Variants in TPRG1 observed in about 807,000 individuals in gnomAD.
TPRG1 encodes the protein tumor protein p63-regulated gene 1 protein.
TPRG1 carries 29 observed loss-of-function variants against 29.3 expected under a neutral mutation model. The observed-to-expected ratio is 0.99, with a 90% CI of 0.74 to 1.35. The LOEUF (loss-of-function observed/expected upper bound fraction) is 1.35. Ranked by LOEUF, TPRG1 falls within the 40% of genes most tolerant of loss-of-function variation. The pLI is 0.00. For synonymous variants in TPRG1, 130 were observed against 116.8 expected (o/e 1.11, Z -0.73); for missense variants, 327 against 335.0 (o/e 0.98, Z 0.19).
chr3:189,050,818 T>G (rs183992289), intron 4 of TPRG1, among the ~76,000 whole-genome samples: 1 of 152,198 alleles, frequency 6.6e-6, no homozygotes, highest in Non-Finnish European at 1.5e-5. Context: ...ATAAGCAGAA[T>G]TGAAAACAAA....
chr3:189,046,421 G>A (rs1280595791), intron 4 of TPRG1, among the ~76,000 whole-genome samples: 1 of 152,156 alleles, frequency 6.6e-6, no homozygotes, highest in Non-Finnish European at 1.5e-5. Flanking sequence ...AAATATGTGG[G>A]ACAGAGCTAA....
intron 4 of TPRG1, among the ~76,000 whole-genome samples, chr3:189,270,049 CTTCTTCTTCTTT>C (rs1430445749): frequency 3.0e-5 from 4 of 133,944 alleles, no homozygotes; most frequent in African/African-American, 1.3e-4. Flanking sequence ...TCTTCTTCTT[CTTCTTCTTCTTT>C]TTTGTCTGTA....
chr3:189,215,483 G>T (rs1735931567), intron 3 of TPRG1, 100 bp downstream of exon 3: 1 of 983,940 alleles, frequency 1.0e-6, no homozygotes, highest in Non-Finnish European at 1.5e-6. Context: ...AATTTCTCTG[G>T]TTGCTACATA....
At chr3:189,283,910 G>A (rs531344354) in intron 4 of TPRG1, among the ~76,000 whole-genome samples, 14 of 152,268 alleles carry the variant, frequency 9.2e-5, no homozygotes, top group East Asian at 7.7e-4. Context: ...GGATACAGGC[G>A]TTAGTACTTT....
chr3:189,053,955 A>T (rs1383008142), intron 4 of TPRG1, among the ~76,000 whole-genome samples: 4 of 152,216 alleles, frequency 2.6e-5, no homozygotes, highest in Non-Finnish European at 5.9e-5. Context: ...ACATTTGTGT[A>T]TTCATTGAAG....
intron 3 of TPRG1, among the ~76,000 whole-genome samples, chr3:189,137,736 C>T (rs1462656817): frequency 6.6e-6 from 1 of 152,148 alleles, no homozygotes; most frequent in Non-Finnish European, 1.5e-5. Context: ...ACACTTTATG[C>T]CTGCTTCTCT....
intron 1 of TPRG1, among the ~76,000 whole-genome samples, chr3:189,119,497 A>G (rs1025891659): frequency 6.6e-6 from 1 of 152,200 alleles, no homozygotes; most frequent in Non-Finnish European, 1.5e-5. Flanking sequence ...GGCCAAGGGC[A>G]AATTGATATG....
intron 5 of TPRG1, among the ~76,000 whole-genome samples, chr3:189,161,286 A>G (rs1727446178): frequency 6.6e-6 from 1 of 152,222 alleles, no homozygotes; most frequent in African/African-American, 2.4e-5. Flanking sequence ...GAAGCAGTAC[A>G]TCATGGAAAG....
intron 3 of TPRG1, chr3:189,004,803 C>T (rs1175067750): frequency 6.6e-6 from 1 of 152,098 alleles, no homozygotes; most frequent in Non-Finnish European, 1.5e-5. Flanking sequence ...GGGGATTTAA[C>T]CTCAGAAGCT....
intron 5 of TPRG1, among the ~76,000 whole-genome samples, chr3:189,318,449 G>T (rs1245050409): frequency 1.3e-5 from 2 of 152,160 alleles, no homozygotes; most frequent in East Asian, 3.8e-4. Context: ...GGTTTTGAGA[G>T]ATGTGTTGGA....
chr3:189,057,290 A>G (rs1451897514), intron 4 of TPRG1, among the ~76,000 whole-genome samples: 1 of 152,192 alleles, frequency 6.6e-6, no homozygotes, highest in African/African-American at 2.4e-5. Context: ...GCATTGGTAC[A>G]CTATTTCTTC....
At chr3:189,114,113 G>C (rs1240712745) in intron 1 of TPRG1, among the ~76,000 whole-genome samples, 2 of 152,058 alleles carry the variant, frequency 1.3e-5, no homozygotes, top group African/African-American at 4.8e-5. Flanking sequence ...TTACATGAGG[G>C]AGCTTCTATG....
At chr3:189,073,390 T>C (rs1716920352) in intron 4 of TPRG1, among the ~76,000 whole-genome samples, 2 of 152,252 alleles carry the variant, frequency 1.3e-5, no homozygotes, top group Non-Finnish European at 2.9e-5. Flanking sequence ...CATGACACTA[T>C]AAACACAAAT....
intron 1 of TPRG1, among the ~76,000 whole-genome samples, chr3:189,106,397 C>G (rs1451324149): frequency 6.6e-6 from 1 of 152,086 alleles, no homozygotes; most frequent in Middle Eastern, 3.2e-3. Context: ...ATCTTGTTGC[C>G]CCCGACCCCA....
At chr3:189,255,297 C>G (rs1201930075) in intron 4 of TPRG1, among the ~76,000 whole-genome samples, 1 of 152,010 alleles carries the variant, frequency 6.6e-6, no homozygotes, top group Non-Finnish European at 1.5e-5. Context: ...GTTTTTGTCA[C>G]TGGTTGTGCT....
chr3:189,137,962 G>A (rs1291852490), intron 3 of TPRG1, among the ~76,000 whole-genome samples: 2 of 152,056 alleles, frequency 1.3e-5, no homozygotes, highest in Non-Finnish European at 2.9e-5. Context: ...ATAGATAATA[G>A]ACAAAAATAG....
At chr3:189,016,660 G>T (rs1712949970) in intron 3 of TPRG1, among the ~76,000 whole-genome samples, 1 of 151,998 alleles carries the variant, frequency 6.6e-6, no homozygotes, top group Admixed American at 6.6e-5. Flanking sequence ...TATGGGGGTG[G>T]ACTCCTATCT....
At chr3:189,138,820 T>C (rs1360447951) in intron 3 of TPRG1, among the ~76,000 whole-genome samples, 1 of 152,150 alleles carries the variant, frequency 6.6e-6, no homozygotes, top group Non-Finnish European at 1.5e-5. Flanking sequence ...GCATATAAGA[T>C]AGAACTTGAT....
intron 4 of TPRG1, among the ~76,000 whole-genome samples, chr3:189,086,977 G>A (rs1160482795): frequency 6.6e-6 from 1 of 152,192 alleles, no homozygotes; most frequent in Non-Finnish European, 1.5e-5. Context: ...ACGTGTGCAT[G>A]TGTCTTTGTA....
Sources: allele counts gnomAD v4.1 joint callset (sites outside exome capture counted in the v4.1 genomes callset), GRCh38; gene constraint gnomAD v4.1.1; transcripts MANE v1.5; gene names NCBI Gene and HGNC (gene_info 2026-07-23, HGNC 2026-07-21).